CLDND1: variants seen among roughly 807,000 people sequenced by gnomAD.
CLDND1 encodes claudin domain containing 1.
A neutral mutation model predicts 26.3 loss-of-function variants in CLDND1; 13 were observed. That is an observed-to-expected ratio of 0.49 (90% CI 0.32 to 0.78). The LOEUF (loss-of-function observed/expected upper bound fraction) is 0.78. CLDND1 is among the 30% of genes least tolerant of loss of function. The pLI is 0.03. For missense variants in CLDND1, 289 were observed against 312.8 expected (o/e 0.92, Z 0.57); for synonymous variants, 107 against 107.0 (o/e 1.00, Z 0.00).
chr3:98,520,108 C>T (rs1002259269), intron 2 of CLDND1, among the ~76,000 whole-genome samples: 2 of 152,118 alleles, frequency 1.3e-5, no homozygotes, highest in Non-Finnish European at 2.9e-5. Context: ...AATGCTAGCT[C>T]CCCAGGAGTA....
At position 98,516,238 on chromosome 3, in the gene CLDND1, A is replaced by C; in HGVS notation, c.*421T>G. ...TGGTTGACTGGCTATCTACAACAGC[A>C]AAGTGAACATAAAGTTTTGACGATG... is the stretch of plus-strand genomic sequence containing the variant. On this transcript the variant is annotated 3_prime_UTR_variant, in exon 5 of 5. Transcript: ENST00000341181. 9.7e-7 allele frequency: 1 copy of C among 1,032,240 alleles called. No homozygotes were observed. Among genetic ancestry groups the C allele is most frequent in the East Asian group, 9.3e-5 (1 of 10,788 alleles). 63.9% of individuals were successfully genotyped at this position (1,032,240 alleles called of 1,614,324 possible). A position where few individuals can be genotyped will look rare whatever the true frequency, so the allele number is the denominator to read the frequency against.
At chr3:98,522,823 C>G in intron 1 of CLDND1, 26 bp downstream of exon 1, 2 of 1,613,750 alleles carry the variant, frequency 1.2e-6, no homozygotes, top group Non-Finnish European at 8.5e-7. Flanking sequence ...GACCCCTGCC[C>G]GGCGACGCAG....
At position 98,516,213 on chromosome 3, in the gene CLDND1, T is replaced by C; in HGVS notation, c.*446A>G. 9.6e-7 allele frequency: 1 copy of C among 1,040,072 alleles called. No homozygotes were observed. Among genetic ancestry groups the C allele is most frequent in the Non-Finnish European group, 1.2e-6 (1 of 863,360 alleles). 64.4% of individuals were successfully genotyped at this position (1,040,072 alleles called of 1,614,324 possible). A position where few individuals can be genotyped will look rare whatever the true frequency, so the allele number is the denominator to read the frequency against. On this transcript the variant is annotated 3_prime_UTR_variant, in exon 5 of 5. Transcript: ENST00000341181. ...TCTTTGAAAACAGCACTAATACTGC[T>C]GGTTGACTGGCTATCTACAACAGCA...
rs1576264420 is a variant in CLDND1, at chr3:98,515,511, A to T, written c.*1148T>A. 1.3e-5 allele frequency: 10 copies of T among 788,116 alleles called. No homozygotes were observed. The highest frequency in any genetic ancestry group is 1.6e-5 in the Non-Finnish European group (10 of 618,894). The allele number at this position is 788,116 out of a possible 1,614,324, so 48.8% of individuals were successfully genotyped here. A position where few individuals can be genotyped will look rare whatever the true frequency, so the allele number is the denominator to read the frequency against. On this transcript the variant is annotated 3_prime_UTR_variant, in exon 5 of 5. Coordinates refer to ENST00000341181, the MANE Select transcript of CLDND1 (RefSeq NM_001040181.2). ...CTTTTCATTTTTAATTTTATTTTTTAAAAAAGACATTGAGGTTATGGTAAG... is the reference window on the plus strand; with the variant it reads ...CTTTTCATTTTTAATTTTATTTTTTTAAAAAGACATTGAGGTTATGGTAAG...
At position 98,516,553 on chromosome 3, in the gene CLDND1, A is replaced by T; in HGVS notation, c.*106T>A. ...AAATAAAATAGATTTTCATAATAAAATGGTATATCCACAAATAAAAATTAA... is the reference window on the plus strand; with the variant it reads ...AAATAAAATAGATTTTCATAATAAATTGGTATATCCACAAATAAAAATTAA... On this transcript the variant is annotated 3_prime_UTR_variant, in exon 5 of 5. Transcript: ENST00000341181. 7.0e-7 allele frequency: 1 copy of T among 1,433,362 alleles called. No individual in the cohort carries two copies. Among genetic ancestry groups the T allele is most frequent in the South Asian group, 1.5e-5 (1 of 65,560 alleles). 88.8% of individuals were successfully genotyped at this position (1,433,362 alleles called of 1,614,324 possible). A position where few individuals can be genotyped will look rare whatever the true frequency, so the allele number is the denominator to read the frequency against.
chr3:98,521,802 G>T, intron 1 of CLDND1: 1 of 1,062,282 alleles, frequency 9.4e-7, no homozygotes, highest in Non-Finnish European at 1.4e-6. Flanking sequence ...TTAAATTACA[G>T]ACTGAATTTT....
intron 1 of CLDND1, 47 bp downstream of exon 1, chr3:98,522,802 A>G (rs1306640941): frequency 1.2e-6 from 2 of 1,613,386 alleles, no homozygotes; most frequent in African/African-American, 2.7e-5. Flanking sequence ...GGGAACATGG[A>G]ACCGCGACGC....
intron 1 of CLDND1, 44 bp downstream of exon 1, chr3:98,522,805 C>CGCGACGCGACCCCTGCCCG (rs1304164873): frequency 6.2e-7 from 1 of 1,613,430 alleles, no homozygotes; most frequent in Non-Finnish European, 8.5e-7. Context: ...AACATGGAAC[C>CGCGACGCGACCCCTGCCCG]GCGACGCGAC....
chr3:98,520,912 C>T (rs1178353098), intron 2 of CLDND1: 27 of 446,556 alleles, frequency 6.0e-5, no homozygotes, highest in Non-Finnish European at 4.3e-5. Flanking sequence ...TTAAGGCTTT[C>T]CCAAGATAAG....
At chr3:98,519,215 A>G (rs956431204) in intron 2 of CLDND1, among the ~76,000 whole-genome samples, 1 of 152,198 alleles carries the variant, frequency 6.6e-6, no homozygotes, top group African/African-American at 2.4e-5. Context: ...AATAAAGTGG[A>G]AGCAGTAAAA....
intron 3 of CLDND1, 100 bp from the exon 4 acceptor site, chr3:98,517,289 A>G: frequency 7.4e-7 from 1 of 1,352,618 alleles, no homozygotes; most frequent in Non-Finnish European, 1.0e-6. Context: ...CTTTTCTCAA[A>G]AAGTGTGAAA....
Position 98,515,611 on chromosome 3 carries a change from C to A in CLDND1, c.*1048G>T. 9.3e-7 allele frequency: 1 copy of A among 1,073,136 alleles called. No homozygotes were observed. The highest frequency in any genetic ancestry group is 1.2e-6 in the Non-Finnish European group (1 of 866,780). 66.5% of individuals were successfully genotyped at this position (1,073,136 alleles called of 1,614,324 possible). On this transcript the variant is annotated 3_prime_UTR_variant, in exon 5 of 5. Transcript: ENST00000341181. ...ATAAATAAATAAGTTTTTTAAAGTT[C>A]AATGTTTATAGACATACTTATAAAA...
At chr3:98,519,152 T>A (rs1706292212) in intron 2 of CLDND1, 157 bp from the exon 3 acceptor site, 2 of 567,044 alleles carry the variant, frequency 3.5e-6, no homozygotes, top group African/African-American at 3.8e-5. Flanking sequence ...AGATGTCCAA[T>A]GGATGCCACT....
intron 3 of CLDND1, among the ~76,000 whole-genome samples, chr3:98,518,311 C>T (rs1706247203): frequency 6.6e-6 from 1 of 152,196 alleles, no homozygotes; most frequent in African/African-American, 2.4e-5. Context: ...GGTCATTCTT[C>T]TGGGCAAGTC....
chr3:98,522,511 T>TC (rs1706468253), intron 1 of CLDND1: 66 of 1,213,100 alleles, frequency 5.4e-5, no homozygotes, highest in Non-Finnish European at 6.8e-5. Flanking sequence ...TTTTTAAAAA[T>TC]CCCCCCTTCA....
chr3:98,520,571 T>G lies in CLDND1; in HGVS notation c.292+562A>C, dbSNP rs550512323. 9 of 147,780 alleles carry G rather than the reference T, an allele frequency of 6.1e-5. No homozygotes were observed. In the East Asian group the frequency reaches 1.2e-3, roughly 19 times the overall value. The allele number at this position is 147,780 out of a possible 1,614,324, so 9.2% of individuals were successfully genotyped here. ...AAACCTAAAAATCTAGTTTTTGGTT[T>G]TTTTTTTTTAACTTCTGTAATACAA... On this transcript the variant is annotated intron_variant, in intron 2 of 4. Coordinates refer to ENST00000341181, the MANE Select transcript of CLDND1 (RefSeq NM_001040181.2).
chr3:98,519,553 T>G (rs1706310255), intron 2 of CLDND1, among the ~76,000 whole-genome samples: 1 of 152,146 alleles, frequency 6.6e-6, no homozygotes, highest in Non-Finnish European at 1.5e-5. Context: ...AGTCTTCTAG[T>G]TTCCACCTTT....
chr3:98,517,241 T>TC, intron 3 of CLDND1, 52 bp from the exon 4 acceptor site: 1 of 1,582,448 alleles, frequency 6.3e-7, no homozygotes, highest in Non-Finnish European at 8.6e-7. Context: ...CAGACCATTT[T>TC]CCCCGCAATG....
At chr3:98,517,516 G>A (rs557401578) in intron 3 of CLDND1, among the ~76,000 whole-genome samples, 5 of 151,976 alleles carry the variant, frequency 3.3e-5, no homozygotes, top group African/African-American at 7.2e-5. Flanking sequence ...TTTCACATCC[G>A]CAGATTCAAC....
Sources: gnomAD v4.1 joint callset for allele counts (sites outside exome capture counted in the v4.1 genomes callset) on GRCh38, gnomAD v4.1.1 for gene constraint, MANE v1.5 for transcripts, NCBI Gene and HGNC (gene_info 2026-07-23, HGNC 2026-07-21) for gene names.